The following SLC24A2 variants were observed in gnomAD, a reference collection of about 807,000 sequenced individuals.
The protein encoded by SLC24A2 is sodium/potassium/calcium exchanger 2.
Under a neutral mutation model 62.0 loss-of-function variants are expected in SLC24A2, and 36 were observed. The ratio of observed to expected loss-of-function variants is 0.58; its 90% CI spans 0.44 to 0.77. The LOEUF is 0.77. Among genes scored for constraint, SLC24A2 ranks in the 30% least tolerant of loss-of-function variants. SLC24A2 has a pLI of 0.00. For missense variants in SLC24A2, 846 were observed against 817.9 expected, an observed-to-expected ratio of 1.03 and a Z score of -0.42; for synonymous variants, 358 against 294.0, an observed-to-expected ratio of 1.22 and a Z score of -2.23.
chr9:19,925,300 A>C, the SLC24A2 span, among the ~76,000 whole-genome samples: 1 of 152,108 alleles, frequency 6.6e-6, no homozygotes, highest in South Asian at 2.1e-4. Context: ...TAGATCTACA[A>C]ATTTTGTTCA....
the SLC24A2 span, among the ~76,000 whole-genome samples, chr9:19,885,444 G>T: frequency 6.6e-6 from 1 of 152,134 alleles, no homozygotes; most frequent in Admixed American, 6.5e-5. Context: ...TATAAAACAT[G>T]TTCACATACA....
At chr9:20,231,395 C>T in the SLC24A2 span, among the ~76,000 whole-genome samples, 1 of 152,126 alleles carries the variant, frequency 6.6e-6, no homozygotes, top group Non-Finnish European at 1.5e-5. Context: ...TTGTTTGTAA[C>T]CTCTTTTATT....
the SLC24A2 span, among the ~76,000 whole-genome samples, chr9:20,262,120 G>A: frequency 3.3e-5 from 5 of 152,116 alleles, no homozygotes; most frequent in African/African-American, 9.7e-5. Context: ...ATAGGAAAAG[G>A]CAGCCCCAAA....
chr9:19,821,275 A>G, the SLC24A2 span, among the ~76,000 whole-genome samples: 1 of 152,158 alleles, frequency 6.6e-6, no homozygotes, highest in African/African-American at 2.4e-5. Context: ...ATCACATAGA[A>G]TTTGTAATCT....
At chr9:20,156,664 T>C in the SLC24A2 span, among the ~76,000 whole-genome samples, 1 of 151,788 alleles carries the variant, frequency 6.6e-6, no homozygotes, top group East Asian at 1.9e-4. Flanking sequence ...GGCATCCTAC[T>C]GTTGTCTTTG....
At chr9:20,231,809 T>A in the SLC24A2 span, among the ~76,000 whole-genome samples, 2 of 152,058 alleles carry the variant, frequency 1.3e-5, no homozygotes, top group Non-Finnish European at 2.9e-5. Context: ...CCCTGTCTTG[T>A]GCCCGTTTTC....
chr9:19,545,636 G>A (rs911263159), intron 8 of SLC24A2, among the ~76,000 whole-genome samples: 1 of 149,956 alleles, frequency 6.7e-6, no homozygotes, highest in Non-Finnish European at 1.5e-5. Flanking sequence ...CTATTTTTTA[G>A]TTTTTTTTTC....
the SLC24A2 span, among the ~76,000 whole-genome samples, chr9:20,157,397 T>A: frequency 2.6e-5 from 4 of 151,690 alleles, no homozygotes; most frequent in African/African-American, 7.3e-5. Context: ...GAGAGTGGAA[T>A]GAAAGACTCT....
chr9:19,700,539 C>G (rs1431128867), intron 2 of SLC24A2, among the ~76,000 whole-genome samples: 3 of 152,100 alleles, frequency 2.0e-5, no homozygotes, highest in African/African-American at 7.2e-5. Flanking sequence ...TTGGGAAAAT[C>G]AATGTGAGGA....
the SLC24A2 span, among the ~76,000 whole-genome samples, chr9:20,287,646 C>T: frequency 3.3e-5 from 5 of 152,190 alleles, no homozygotes; most frequent in East Asian, 1.9e-4. Flanking sequence ...ACACAAAATA[C>T]GTGCCTTCGC....
the SLC24A2 span, among the ~76,000 whole-genome samples, chr9:19,884,272 C>G: frequency 6.7e-6 from 1 of 150,196 alleles, no homozygotes; most frequent in Admixed American, 6.6e-5. Context: ...TTTATGAGCC[C>G]TATTCCTAAA....
the SLC24A2 span, among the ~76,000 whole-genome samples, chr9:20,107,085 C>G: frequency 6.6e-6 from 1 of 152,098 alleles, no homozygotes; most frequent in Non-Finnish European, 1.5e-5. Flanking sequence ...GAGTGAATTC[C>G]CATTCACAAT....
chr9:19,964,243 T>G, the SLC24A2 span, among the ~76,000 whole-genome samples: 1 of 137,278 alleles, frequency 7.3e-6, no homozygotes, highest in African/African-American at 2.7e-5. Context: ...GGGGGAGGGA[T>G]AGCATGAGGA....
At chr9:19,697,458 A>G (rs1041505471) in intron 2 of SLC24A2, among the ~76,000 whole-genome samples, 3 of 152,206 alleles carry the variant, frequency 2.0e-5, no homozygotes, top group Non-Finnish European at 4.4e-5. Context: ...AAGAGAAAAA[A>G]ATCTTTTCCT....
the SLC24A2 span, among the ~76,000 whole-genome samples, chr9:20,039,958 G>C: frequency 1.3e-5 from 2 of 152,184 alleles, no homozygotes; most frequent in Non-Finnish European, 2.9e-5. Context: ...AAGTTGTATG[G>C]TCAAGTCTCA....
the SLC24A2 span, among the ~76,000 whole-genome samples, chr9:20,055,451 C>T: frequency 5.9e-5 from 9 of 152,052 alleles, no homozygotes; most frequent in Non-Finnish European, 8.8e-5. Flanking sequence ...TTCATGACAA[C>T]TGTTTAGTAG....
At chr9:19,560,769 ATT>A (rs1281620745) in intron 7 of SLC24A2, among the ~76,000 whole-genome samples, 2 of 152,114 alleles carry the variant, frequency 1.3e-5, no homozygotes, top group African/African-American at 2.4e-5. Flanking sequence ...GAAATAAATC[ATT>A]GTGTTCACTT....
the SLC24A2 span, among the ~76,000 whole-genome samples, chr9:19,852,398 C>T: frequency 6.6e-6 from 1 of 152,156 alleles, no homozygotes; most frequent in East Asian, 1.9e-4. Flanking sequence ...TTTGCCCATG[C>T]CTATTTCCTG....
intron 2 of SLC24A2, among the ~76,000 whole-genome samples, chr9:19,661,187 C>T (rs1323795149): frequency 7.2e-6 from 1 of 139,654 alleles, no homozygotes; most frequent in Non-Finnish European, 1.5e-5. Flanking sequence ...AGCACTTAGA[C>T]TTAAATGACC....
Sources: gnomAD v4.1 joint callset for allele counts (sites outside exome capture counted in the v4.1 genomes callset) on GRCh38, gnomAD v4.1.1 for gene constraint, MANE v1.5 for transcripts, NCBI Gene and HGNC (gene_info 2026-07-23, HGNC 2026-07-21) for gene names.